SMURF1: variants seen among roughly 807,000 people sequenced by gnomAD.
SMURF1 encodes the protein E3 ubiquitin-protein ligase SMURF1.
Under a neutral mutation model 98.0 loss-of-function variants are expected in SMURF1, and 44 were observed. The ratio of observed to expected loss-of-function variants is 0.45; its 90% CI spans 0.35 to 0.58. The LOEUF is 0.58. Ranked by LOEUF, SMURF1 falls within the 20% of genes least tolerant of loss-of-function variation. The pLI is 0.00. For missense variants in SMURF1, 687 were observed against 938.4 expected, an observed-to-expected ratio of 0.73 and a Z score of 3.50; for synonymous variants, 396 against 374.9, an observed-to-expected ratio of 1.06 and a Z score of -0.65.
At chr7:99,066,254 C>T (rs1796190707) in intron 1 of SMURF1, among the ~76,000 whole-genome samples, 1 of 152,108 alleles carries the variant, frequency 6.6e-6, no homozygotes, top group Non-Finnish European at 1.5e-5. Context: ...GCCTTATGAG[C>T]CTCCGATCCC....
At chr7:99,048,083 A>T in intron 9 of SMURF1, 1 of 575,812 alleles carries the variant, frequency 1.7e-6, no homozygotes, top group Non-Finnish European at 3.1e-6. Flanking sequence ...GTATGTCTAC[A>T]GTACCATAAA....
At chr7:99,115,448 C>G (rs924658386) in intron 1 of SMURF1, among the ~76,000 whole-genome samples, 2 of 152,060 alleles carry the variant, frequency 1.3e-5, no homozygotes, top group African/African-American at 4.8e-5. Flanking sequence ...CAAAAATTAG[C>G]TGGGTGTGGT....
rs952503120 is a variant in SMURF1, at chr7:99,076,537, A to G, written c.56-14700T>C. Among the ~76,000 whole-genome samples the G allele has an allele frequency of 2.6e-5, 4 of 152,234 alleles. No individual in the cohort carries two copies. In the East Asian group the frequency reaches 7.7e-4, roughly 29 times the overall value. On this transcript the variant is annotated intron_variant, in intron 1 of 17. Coordinates refer to ENST00000361368, the MANE Select transcript of SMURF1 (RefSeq NM_181349.3). ...CTTCTCAAAGCTGTCAAGATCATCA[A>G]AAGCAAGGAAAGTCTAAGAAACTGT... is the stretch of plus-strand genomic sequence containing the variant.
intron 3 of SMURF1, among the ~76,000 whole-genome samples, chr7:99,058,253 C>T (rs971775735): frequency 2.4e-4 from 36 of 152,176 alleles, no homozygotes; most frequent in African/African-American, 8.7e-4. Flanking sequence ...CCTCAGCCTC[C>T]CCAGCAGCTG....
At chr7:99,089,707 C>T (rs913580119) in intron 1 of SMURF1, among the ~76,000 whole-genome samples, 2 of 152,270 alleles carry the variant, frequency 1.3e-5, no homozygotes, top group Middle Eastern at 3.4e-3. Context: ...CTTCAAAAAG[C>T]CTTTCACAAT....
chr7:99,043,744 C>G (rs549738831), intron 11 of SMURF1, among the ~76,000 whole-genome samples: 32 of 152,186 alleles, frequency 2.1e-4, no homozygotes, highest in Non-Finnish European at 4.3e-4. Context: ...GTGAACAAGA[C>G]AAGTTCCTGA....
At chr7:99,050,834 T>A in intron 8 of SMURF1, 1 of 1,025,368 alleles carries the variant, frequency 9.8e-7, no homozygotes, top group Non-Finnish European at 1.4e-6. Flanking sequence ...TAGGTAGTAA[T>A]GCTATTCTAA....
At chr7:99,100,956 C>T (rs1797064654) in intron 1 of SMURF1, among the ~76,000 whole-genome samples, 1 of 152,148 alleles carries the variant, frequency 6.6e-6, no homozygotes, top group African/African-American at 2.4e-5. Flanking sequence ...GAACACTATA[C>T]ATAATGAAGT....
intron 1 of SMURF1, among the ~76,000 whole-genome samples, chr7:99,123,037 A>G (rs1797675375): frequency 6.6e-6 from 1 of 151,974 alleles, no homozygotes; most frequent in Admixed American, 6.6e-5. Flanking sequence ...AGAGCCAAAC[A>G]GAAACACAGG....
At chr7:99,123,944 T>C (rs896788710) in intron 1 of SMURF1, among the ~76,000 whole-genome samples, 5 of 152,186 alleles carry the variant, frequency 3.3e-5, no homozygotes, top group African/African-American at 1.2e-4. Flanking sequence ...ACTTCACTTG[T>C]TCCTTGCAAC....
At chr7:99,092,297 T>C (rs530121289) in intron 1 of SMURF1, among the ~76,000 whole-genome samples, 1 of 152,348 alleles carries the variant, frequency 6.6e-6, no homozygotes, top group East Asian at 1.9e-4. Context: ...TTTATAAATA[T>C]GGAAACTGAG....
intron 3 of SMURF1, among the ~76,000 whole-genome samples, chr7:99,058,129 ATTTATTTT>A (rs1301264507): frequency 1.3e-5 from 2 of 151,676 alleles, no homozygotes; most frequent in Non-Finnish European, 2.9e-5. Context: ...ATTTATTTTT[ATTTATTTT>A]TTTATTTTTT....
chr7:99,040,268 A>G, intron 13 of SMURF1, 110 bp downstream of exon 13: 3 of 1,176,358 alleles, frequency 2.6e-6, no homozygotes, highest in South Asian at 2.4e-5. Context: ...CAATGGCTTC[A>G]CACACATCCC....
At chr7:99,059,864 C>T (rs1007183144) in intron 3 of SMURF1, among the ~76,000 whole-genome samples, 3 of 150,764 alleles carry the variant, frequency 2.0e-5, no homozygotes, top group African/African-American at 7.3e-5. Flanking sequence ...GCCGAGATCG[C>T]GCCACTGCAC....
intron 1 of SMURF1, among the ~76,000 whole-genome samples, chr7:99,133,967 C>T (rs1797929471): frequency 6.6e-6 from 1 of 152,098 alleles, no homozygotes; most frequent in African/African-American, 2.4e-5. Context: ...CTGTGGTTAT[C>T]TTTGCCAGGG....
intron 1 of SMURF1, among the ~76,000 whole-genome samples, chr7:99,125,644 G>C (rs889191462): frequency 6.6e-6 from 1 of 152,104 alleles, no homozygotes; most frequent in East Asian, 1.9e-4. Flanking sequence ...ACACTTACCC[G>C]TGCACCCTGC....
chr7:99,054,904 G>A (rs1366661083), intron 5 of SMURF1, 39 bp from the exon 6 acceptor site: 8 of 1,582,736 alleles, frequency 5.1e-6, no homozygotes, highest in Non-Finnish European at 6.9e-6. Context: ...AAACCCAGCG[G>A]GGTTTACATA....
At chr7:99,059,784 T>C (rs1795986960) in intron 3 of SMURF1, among the ~76,000 whole-genome samples, 1 of 151,798 alleles carries the variant, frequency 6.6e-6, no homozygotes, top group South Asian at 2.1e-4. Flanking sequence ...GGCGGATGCC[T>C]GTAATTCCAG....
chr7:99,099,266 G>A (rs1231217302), intron 1 of SMURF1, among the ~76,000 whole-genome samples: 2 of 148,034 alleles, frequency 1.4e-5, no homozygotes, highest in Admixed American at 1.4e-4. Flanking sequence ...TAGAAAATGA[G>A]AAGGAATGGA....
Sources: allele counts gnomAD v4.1 joint callset (sites outside exome capture counted in the v4.1 genomes callset), GRCh38; gene constraint gnomAD v4.1.1; transcripts MANE v1.5; gene names NCBI Gene and HGNC (gene_info 2026-07-23, HGNC 2026-07-21).